Variants in NPAS3 observed in about 807,000 individuals in gnomAD.
NPAS3 encodes neuronal PAS domain-containing protein 3.
A neutral mutation model predicts 73.1 loss-of-function variants in NPAS3; 14 were observed. The observed-to-expected ratio is 0.19, with a 90% CI of 0.13 to 0.30. The LOEUF (loss-of-function observed/expected upper bound fraction) is 0.30. Ranked by LOEUF, NPAS3 falls within the 10% of genes least tolerant of loss-of-function variation. NPAS3 has a pLI of 1.00. For synonymous variants in NPAS3, 620 were observed against 541.5 expected, an observed-to-expected ratio of 1.14 and a Z score of -2.01; for missense variants, 1,096 against 1,250.0, an observed-to-expected ratio of 0.88 and a Z score of 1.86.
At chr14:33,201,822 CTT>C (rs2046630122) in intron 2 of NPAS3, among the ~76,000 whole-genome samples, 2 of 152,194 alleles carry the variant, frequency 1.3e-5, no homozygotes. Flanking sequence ...TAAGTAGTCT[CTT>C]TACATCAGCT....
downstream of NPAS3, chr14:33,804,142 A>G (rs1182444019): frequency 1.3e-5 from 2 of 152,016 alleles, no homozygotes; most frequent in Non-Finnish European, 2.9e-5. Context: ...CGCAGGTGCC[A>G]TTTTCATAAT....
chr14:33,216,523 G>T (rs1328167797), intron 3 of NPAS3, among the ~76,000 whole-genome samples: 3 of 152,162 alleles, frequency 2.0e-5, no homozygotes, highest in African/African-American at 4.8e-5. Flanking sequence ...GCACATTAGA[G>T]GTGGAAAATG....
intron 3 of NPAS3, among the ~76,000 whole-genome samples, chr14:33,346,246 TC>T (rs947955083): frequency 4.1e-4 from 60 of 145,922 alleles, no homozygotes; most frequent in Non-Finnish European, 7.6e-4. Flanking sequence ...AAAAGTTGAT[TC>T]CGGTGGTACA....
intron 5 of NPAS3, among the ~76,000 whole-genome samples, chr14:33,626,963 T>C (rs1323780458): frequency 6.6e-6 from 1 of 152,104 alleles, no homozygotes. Flanking sequence ...TTCTCTGTAA[T>C]ATTAACATTT....
At chr14:33,575,231 G>A (rs2056387818) in intron 5 of NPAS3, among the ~76,000 whole-genome samples, 1 of 152,116 alleles carries the variant, frequency 6.6e-6, no homozygotes, top group Non-Finnish European at 1.5e-5. Flanking sequence ...CTGCCCATTA[G>A]CTTTCGACTA....
At chr14:33,071,081 C>T (rs1316582281) in intron 2 of NPAS3, among the ~76,000 whole-genome samples, 1 of 152,098 alleles carries the variant, frequency 6.6e-6, no homozygotes, top group African/African-American at 2.4e-5. Flanking sequence ...GTACAACTTA[C>T]CCCCATGACA....
intron 5 of NPAS3, among the ~76,000 whole-genome samples, chr14:33,597,835 G>C (rs1319898408): frequency 6.6e-6 from 1 of 152,196 alleles, no homozygotes; most frequent in East Asian, 1.9e-4. Flanking sequence ...AATTTTTCAT[G>C]TGGACCTGTT....
At chr14:33,699,899 C>T (rs2060482694) in intron 6 of NPAS3, among the ~76,000 whole-genome samples, 1 of 152,120 alleles carries the variant, frequency 6.6e-6, no homozygotes, top group African/African-American at 2.4e-5. Flanking sequence ...TTCCAAATAG[C>T]TTAACATCAT....
intron 2 of NPAS3, among the ~76,000 whole-genome samples, chr14:33,158,036 G>T (rs2044711316): frequency 6.9e-6 from 1 of 144,146 alleles, no homozygotes; most frequent in Admixed American, 7.0e-5. Flanking sequence ...GCTTAGACTT[G>T]GAAATTTTAA....
chr14:33,407,421 C>A (rs1465806162), intron 4 of NPAS3, among the ~76,000 whole-genome samples: 1 of 152,078 alleles, frequency 6.6e-6, no homozygotes. Flanking sequence ...AAAACACATC[C>A]CTGAATCTTC....
intron 4 of NPAS3, among the ~76,000 whole-genome samples, chr14:33,427,774 G>T (rs1487867282): frequency 6.6e-6 from 1 of 152,034 alleles, no homozygotes; most frequent in Admixed American, 6.6e-5. Context: ...ACATATAGGT[G>T]CTCCAATAAT....
intron 4 of NPAS3, among the ~76,000 whole-genome samples, chr14:33,371,931 A>G (rs1399774800): frequency 7.9e-5 from 12 of 152,190 alleles, no homozygotes; most frequent in African/African-American, 2.4e-4. Flanking sequence ...TTAAAAACTT[A>G]AGTAACTCAA....
chr14:33,018,422 A>G (rs1262481596), intron 1 of NPAS3, among the ~76,000 whole-genome samples: 2 of 152,174 alleles, frequency 1.3e-5, no homozygotes, highest in Non-Finnish European at 2.9e-5. Flanking sequence ...TCTCCAAGTC[A>G]TGGCAGAGGC....
chr14:33,239,133 C>T lies in NPAS3; in HGVS notation c.385+23707C>T, dbSNP rs191835460. On this transcript the variant is annotated intron_variant, in intron 3 of 11. Coordinates refer to ENST00000356141, the Ensembl canonical transcript of NPAS3. Reference sequence around the variant, plus strand: ...CATTTATTAGCTTCCAATTTGTTCTCCTGGGGGTCTGAGGGGAGAGGAGGT... The same window carrying T: ...CATTTATTAGCTTCCAATTTGTTCTTCTGGGGGTCTGAGGGGAGAGGAGGT... Among the ~76,000 whole-genome samples the T allele has an allele frequency of 3.9e-5, 6 of 151,918 alleles. No individual in the cohort carries two copies. The East Asian group carries it at 1.2e-3, about 29-fold the overall frequency.
At chr14:33,521,888 G>A (rs1277545673) in intron 4 of NPAS3, among the ~76,000 whole-genome samples, 7 of 152,048 alleles carry the variant, frequency 4.6e-5, no homozygotes, top group South Asian at 2.1e-4. Context: ...ACTTGCCGCC[G>A]GAGCTTTTCT....
chr14:33,040,169 C>T (rs1310332969), intron 1 of NPAS3, among the ~76,000 whole-genome samples: 1 of 152,004 alleles, frequency 6.6e-6, no homozygotes, highest in Non-Finnish European at 1.5e-5. Flanking sequence ...CCCTTTTGAT[C>T]ACTCTGTAAC....
At chr14:32,971,638 C>T (rs550105691) in intron 1 of NPAS3, among the ~76,000 whole-genome samples, 7 of 152,194 alleles carry the variant, frequency 4.6e-5, no homozygotes, top group South Asian at 4.1e-4. Flanking sequence ...TTTGTGAGCT[C>T]CATTTTGGAT....
chr14:33,410,523 A>G (rs2047875079), intron 4 of NPAS3, among the ~76,000 whole-genome samples: 1 of 152,226 alleles, frequency 6.6e-6, no homozygotes, highest in African/African-American at 2.4e-5. Flanking sequence ...TCCCTGGCTT[A>G]TAAAACAGAA....
Position 33,789,606 on chromosome 14 carries a change from T to TTTTTTTTTTA in NPAS3, c.1154-4291_1154-4290insTTTTTTTTTA, listed in dbSNP as rs1318374959. ...AACTTTTTTTTTTTTTTTTTTTTTT[T>TTTTTTTTTTA]GAGACGGAGTCTCGCTCTGTCGCCC... On this transcript the variant is annotated intron_variant, in intron 9 of 11. Transcript: ENST00000356141. Among the ~76,000 whole-genome samples, 3 of 134,678 alleles carry TTTTTTTTTTA rather than the reference T, an allele frequency of 2.2e-5. 1 individual carries two copies. Among genetic ancestry groups the TTTTTTTTTTA allele is most frequent in the East Asian group, 4.2e-4 (2 of 4,740 alleles). The allele number at this position is 134,678 out of a possible 152,430, so 88.4% of individuals were successfully genotyped here.
Sources: allele counts gnomAD v4.1 joint callset (sites outside exome capture counted in the v4.1 genomes callset), GRCh38; gene constraint gnomAD v4.1.1; transcripts MANE v1.5; gene names NCBI Gene and HGNC (gene_info 2026-07-23, HGNC 2026-07-21).